Variants in PHKB observed in about 807,000 individuals in gnomAD.
PHKB encodes the protein phosphorylase kinase regulatory subunit beta.
PHKB carries 122 observed loss-of-function variants against 152.1 expected under a neutral mutation model. The observed-to-expected ratio is 0.80, with a 90% confidence interval of 0.69 to 0.93. The LOEUF (loss-of-function observed/expected upper bound fraction) is 0.93. Among genes scored for constraint, PHKB ranks in the 40% least tolerant of loss-of-function variants. The pLI, the probability that PHKB is intolerant of heterozygous loss-of-function variation, is 0.00. For missense variants in PHKB, 1,304 were observed against 1,328.4 expected (o/e 0.98, Z 0.29); for synonymous variants, 436 against 464.9 (o/e 0.94, Z 0.80).
intron 24 of PHKB, chr16:47,664,041 T>A (rs963592202): frequency 2.2e-5 from 8 of 363,408 alleles, no homozygotes; most frequent in Admixed American, 4.3e-5. Flanking sequence ...GTTCTGTTTT[T>A]TAATTTAGGA....
At chr16:47,587,628 T>C (rs775871387) in intron 8 of PHKB, 40 bp from the exon 9 acceptor site, 6 of 1,496,252 alleles carry the variant, frequency 4.0e-6, no homozygotes, top group Middle Eastern at 1.7e-4. Flanking sequence ...ACAAGTCTTT[T>C]TTCTTAATTT....
At chr16:47,692,845 A>G (rs1974085645) in intron 27 of PHKB, among the ~76,000 whole-genome samples, 1 of 152,150 alleles carries the variant, frequency 6.6e-6, no homozygotes, top group African/African-American at 2.4e-5. Flanking sequence ...AGCTATGTCT[A>G]AATAGCAAAC....
intron 24 of PHKB, 57 bp downstream of exon 24, chr16:47,663,791 C>A: frequency 2.0e-6 from 2 of 1,022,140 alleles, no homozygotes; most frequent in Non-Finnish European, 3.1e-6. Context: ...TATTCGATAG[C>A]CTAAAGAAAA....
chr16:47,597,222 A>G (rs1972135681), intron 13 of PHKB, among the ~76,000 whole-genome samples: 2 of 152,174 alleles, frequency 1.3e-5, no homozygotes, highest in Non-Finnish European at 2.9e-5. Context: ...AAATAGGCTA[A>G]CTGTAAATAC....
At chr16:47,675,372 T>C (rs1973708522) in intron 26 of PHKB, among the ~76,000 whole-genome samples, 1 of 152,122 alleles carries the variant, frequency 6.6e-6, no homozygotes, top group Admixed American at 6.6e-5. Context: ...CTGTGGTATT[T>C]GATAATTTGA....
intron 27 of PHKB, among the ~76,000 whole-genome samples, chr16:47,689,818 A>G (rs1974029001): frequency 6.6e-6 from 1 of 152,236 alleles, no homozygotes; most frequent in African/African-American, 2.4e-5. Context: ...GTCTTCCACA[A>G]AAGGAAATTT....
chr16:47,632,818 T>A (rs1189771530), intron 14 of PHKB, among the ~76,000 whole-genome samples: 1 of 152,220 alleles, frequency 6.6e-6, no homozygotes, highest in Non-Finnish European at 1.5e-5. Flanking sequence ...AGCCCCCAGC[T>A]GCAAATATCC....
chr16:47,565,720 G>A (rs957255733), intron 7 of PHKB: 7 of 1,478,946 alleles, frequency 4.7e-6, no homozygotes, highest in African/African-American at 2.8e-5. Flanking sequence ...CGAGGCCATC[G>A]TTCTAGTTTT....
intron 14 of PHKB, among the ~76,000 whole-genome samples, chr16:47,611,922 C>A (rs1317790867): frequency 6.6e-6 from 1 of 152,158 alleles, no homozygotes; most frequent in African/African-American, 2.4e-5. Flanking sequence ...CCTGTTAGCT[C>A]TTTATGTAAG....
rs183627996 is a variant in PHKB at position 47,642,814 on chromosome 16, A to T, written c.1608+1122A>T. On this transcript the variant is annotated intron_variant, in intron 16 of 30. Coordinates refer to ENST00000323584, the MANE Select transcript of PHKB (RefSeq NM_000293.3). ...TTAACCACCACTACCCTGCCAAGAG[A>T]TAAAGCTGAAAATACAAGGATCCCT... 3.3e-5 allele frequency among the ~76,000 whole-genome samples: 5 copies of T among 152,246 alleles called. No homozygotes were observed. In the East Asian group the frequency reaches 7.7e-4, roughly 24 times the overall value.
chr16:47,678,080 C>T (rs1973769425), intron 26 of PHKB, among the ~76,000 whole-genome samples: 2 of 152,132 alleles, frequency 1.3e-5, no homozygotes, highest in African/African-American at 4.8e-5. Flanking sequence ...TCATCCATGT[C>T]CCTACAAAGG....
rs1325808474 is a variant in PHKB at position 47,607,014 on chromosome 16, T to TA, written c.1364-3805dup. On this transcript the variant is annotated intron_variant, in intron 13 of 30. Transcript: ENST00000323584. ...TGCCTTCATGTTGGTCAGTGCCCCA[T>TA]AAAAAAACGCCCCTTCTCAGAAATC... 3.3e-5 allele frequency among the ~76,000 whole-genome samples: 5 copies of TA among 152,116 alleles called. 1 individual carries two copies. The highest frequency in any genetic ancestry group is 7.2e-5 in the African/African-American group (3 of 41,510).
chr16:47,568,816 G>A (rs906028391), intron 7 of PHKB, among the ~76,000 whole-genome samples: 1 of 152,118 alleles, frequency 6.6e-6, no homozygotes, highest in Non-Finnish European at 1.5e-5. Flanking sequence ...TAATTTTCAT[G>A]TATTTGTGTA....
At chr16:47,482,737 T>G (rs972204624) in intron 1 of PHKB, among the ~76,000 whole-genome samples, 7 of 152,172 alleles carry the variant, frequency 4.6e-5, no homozygotes, top group Non-Finnish European at 1.0e-4. Flanking sequence ...ATTTTTTTTT[T>G]GAGATAGGTT....
intron 16 of PHKB, among the ~76,000 whole-genome samples, chr16:47,647,556 G>C (rs1973154584): frequency 1.3e-5 from 2 of 151,030 alleles, no homozygotes. Context: ...GGAGTGCAGT[G>C]GCTCGATCAT....
chr16:47,473,188 CCTATAGGTGTGCA>C (rs1415012050), intron 1 of PHKB, among the ~76,000 whole-genome samples: 1 of 137,236 alleles, frequency 7.3e-6, no homozygotes, highest in Non-Finnish European at 1.5e-5. Context: ...TTCTGCTGGG[CCTATAGGTGTGCA>C]CTACCATGCC....
chr16:47,521,254 T>C (rs550264401), intron 6 of PHKB, among the ~76,000 whole-genome samples: 1 of 152,324 alleles, frequency 6.6e-6, no homozygotes, highest in East Asian at 1.9e-4. Context: ...TTACCTAATT[T>C]CCCTGGATAG....
At chr16:47,470,893 A>G (rs893762688) in intron 1 of PHKB, among the ~76,000 whole-genome samples, 1 of 152,124 alleles carries the variant, frequency 6.6e-6, no homozygotes, top group African/African-American at 2.4e-5. Flanking sequence ...TTTATGCAGA[A>G]CTCAAGGCGA....
intron 24 of PHKB, chr16:47,664,078 A>G (rs1029145135): frequency 3.3e-5 from 9 of 274,598 alleles, no homozygotes; most frequent in Non-Finnish European, 5.6e-5. Context: ...ATAGAAGGCC[A>G]TGAAAAGAGA....
Sources: gnomAD v4.1 joint callset for allele counts (sites outside exome capture counted in the v4.1 genomes callset) on GRCh38, gnomAD v4.1.1 for gene constraint, MANE v1.5 for transcripts, NCBI Gene and HGNC (gene_info 2026-07-23, HGNC 2026-07-21) for gene names.